EIF2D: variants seen among roughly 807,000 people sequenced by gnomAD.
The protein encoded by EIF2D is hepatocellular carcinoma-associated antigen 56.
Under a neutral mutation model 77.4 loss-of-function variants are expected in EIF2D, and 56 were observed. The ratio of observed to expected loss-of-function variants is 0.72; its 90% CI spans 0.58 to 0.90. The LOEUF (loss-of-function observed/expected upper bound fraction) is 0.90, where lower values mean the gene tolerates loss of function less well. Ranked by LOEUF, EIF2D falls within the 40% of genes least tolerant of loss-of-function variation. EIF2D has a pLI of 0.00. For synonymous variants in EIF2D, 230 were observed against 271.0 expected (o/e 0.85, Z 1.49); for missense variants, 574 against 706.5 (o/e 0.81, Z 2.13).
intron 4 of EIF2D, among the ~76,000 whole-genome samples, chr1:206,573,182 T>A (rs1429531122): frequency 6.6e-6 from 1 of 152,214 alleles, no homozygotes; most frequent in Non-Finnish European, 1.5e-5. Context: ...GAAATCAGTC[T>A]CCGTGTGGTG....
chr1:206,606,646 G>A (rs1326103707), intron 4 of EIF2D, among the ~76,000 whole-genome samples: 4 of 152,116 alleles, frequency 2.6e-5, no homozygotes, highest in African/African-American at 9.7e-5. Flanking sequence ...GTTCCAAAGC[G>A]TTCAAGGAAA....
At chr1:206,606,084 T>C (rs1433941935) in intron 4 of EIF2D, among the ~76,000 whole-genome samples, 2 of 152,166 alleles carry the variant, frequency 1.3e-5, no homozygotes, top group Non-Finnish European at 2.9e-5. Context: ...ACCACATATA[T>C]AGTAACTACA....
rs1398495487 is a variant in EIF2D at position 206,592,982 on chromosome 1, A to C, written c.1684+637T>G. On this transcript the variant is annotated intron_variant, in intron 14 of 14. Transcript: ENST00000271764. The surrounding 1 kb of genome is among the most constrained non-coding windows in gnomAD (Gnocchi z 4.7). ...CTGGCCGTGGTGGCATGCGCCTATAATCCCAGCTACTCGGGAGGCTGAGGC... is the reference window on the plus strand; with the variant it reads ...CTGGCCGTGGTGGCATGCGCCTATACTCCCAGCTACTCGGGAGGCTGAGGC... Among the ~76,000 whole-genome samples the C allele has an allele frequency of 6.6e-6, 1 of 152,140 alleles. No homozygotes were observed. Among genetic ancestry groups the C allele is most frequent in the Non-Finnish European group, 1.5e-5 (1 of 68,004 alleles).
chr1:206,583,712 A>G (rs1553406875), intron 2 of EIF2D: 2 of 306,014 alleles, frequency 6.5e-6, no homozygotes, highest in East Asian at 8.4e-5. Flanking sequence ...AGCCAGGACA[A>G]TGGGACTTAG....
rs111741631 is a variant in EIF2D at position 206,573,116 on chromosome 1, G to C, written c.*255-417C>G. Among the ~76,000 whole-genome samples, 1,078 of 152,320 alleles carry C rather than the reference G, an allele frequency of 7.1e-3. 15 individuals are homozygous for C. Among genetic ancestry groups the C allele is most frequent in the African/African-American group, 0.021 (866 of 41,558 alleles). On this transcript the variant is annotated intron_variant and NMD_transcript_variant, in intron 4 of 5. Transcript: ENST00000472709. ...CTGTGTACTTTGTGCTAAGCACTTT[G>C]AGGCCTGAGATCTCATTTCATCTTC...
At chr1:206,583,334 C>A in intron 2 of EIF2D, 2 of 1,613,814 alleles carry the variant, frequency 1.2e-6, no homozygotes, top group Non-Finnish European at 1.7e-6. Context: ...AGCAGAAGAT[C>A]GACAGCTACA....
At chr1:206,575,319 G>A (rs547666296) in intron 4 of EIF2D, among the ~76,000 whole-genome samples, 12 of 152,192 alleles carry the variant, frequency 7.9e-5, no homozygotes, top group African/African-American at 2.7e-4. Flanking sequence ...CCTTCCAAGG[G>A]GTGAAAGAAT....
chr1:206,572,882 A>C (rs1175984432), intron 4 of EIF2D, among the ~76,000 whole-genome samples: 2 of 152,210 alleles, frequency 1.3e-5, no homozygotes, highest in Admixed American at 6.5e-5. Context: ...TGAAAGTCAT[A>C]ATGTGGCCTT....
Position 206,591,763 on chromosome 1 carries a change from C to CA in EIF2D, c.*11dup. 2 of 1,613,992 alleles carry CA rather than the reference C, an allele frequency of 1.2e-6. No individual in the cohort carries two copies. The highest frequency in any genetic ancestry group is 4.5e-5 in the East Asian group (2 of 44,892). On this transcript the variant is annotated 3_prime_UTR_variant, in exon 15 of 15. Transcript: ENST00000271764. Reference sequence around the variant, plus strand: ...TTTCCACCGGATCCACCACGTGAGACAAAAGAGTCTGTCACTTCTTCTTGC... The same window carrying CA: ...TTTCCACCGGATCCACCACGTGAGACAAAAAGAGTCTGTCACTTCTTCTTGC...
chr1:206,575,735 A>T (rs1321948780), intron 4 of EIF2D, among the ~76,000 whole-genome samples: 1 of 152,224 alleles, frequency 6.6e-6, no homozygotes, highest in Non-Finnish European at 1.5e-5. Context: ...GTATCACTTC[A>T]TGATTTCACA....
rs1553410772 is a variant in EIF2D, at chr1:206,599,208, G to A, written c.1203-116C>T. On this transcript the variant is annotated intron_variant, in intron 10 of 14. Coordinates refer to ENST00000271764, the MANE Select transcript of EIF2D (RefSeq NM_006893.3). The surrounding 1 kb of genome is among the most constrained non-coding windows in gnomAD (Gnocchi z 4.1). ...AACTTTCCTTAGCTTTCGGCCTCTA[G>A]TTTCTTCCCTTTTCCTGACTGAAGT... is the stretch of plus-strand genomic sequence containing the variant. 2 of 1,032,808 alleles carry A rather than the reference G, an allele frequency of 1.9e-6. No individual in the cohort carries two copies. The highest frequency in any genetic ancestry group is 1.6e-5 in the African/African-American group (1 of 62,260). 64.0% of individuals were successfully genotyped at this position (1,032,808 alleles called of 1,614,324 possible).
At chr1:206,602,890 G>A (rs1301786339) in intron 6 of EIF2D, 61 bp downstream of exon 6, 14 of 1,584,710 alleles carry the variant, frequency 8.8e-6, no homozygotes, top group South Asian at 1.2e-5. Context: ...GTGGAGTGGA[G>A]TTCGTCAGGC....
chr1:206,596,960 C>T (rs567624932), intron 12 of EIF2D, 140 bp downstream of exon 12: 1 of 627,026 alleles, frequency 1.6e-6, no homozygotes, highest in Admixed American at 2.9e-5. Context: ...TTCCTCAAGC[C>T]TGTGTTTATG....
intron 4 of EIF2D, among the ~76,000 whole-genome samples, chr1:206,580,253 A>G (rs782547064): frequency 6.6e-6 from 1 of 152,266 alleles, no homozygotes; most frequent in African/African-American, 2.4e-5. Flanking sequence ...CAAGCCTTTG[A>G]AAGCCACAGC....
chr1:206,610,153 C>G (rs1670402044), intron 2 of EIF2D, among the ~76,000 whole-genome samples: 1 of 152,212 alleles, frequency 6.6e-6, no homozygotes, highest in African/African-American at 2.4e-5. Context: ...TGTAGCTTAT[C>G]AATCCAGCTT....
At chr1:206,609,897 A>G (rs1372519448) in intron 2 of EIF2D, among the ~76,000 whole-genome samples, 1 of 152,212 alleles carries the variant, frequency 6.6e-6, no homozygotes, top group East Asian at 1.9e-4. Context: ...GTCTTCAGGT[A>G]CAGCAAGGAA....
chr1:206,580,461 GTCTT>G (rs1445121354), intron 4 of EIF2D, among the ~76,000 whole-genome samples: 1 of 152,172 alleles, frequency 6.6e-6, no homozygotes, highest in African/African-American at 2.4e-5. Flanking sequence ...AGACAACGGG[GTCTT>G]TCTAATTAGA....
chr1:206,579,087 A>G lies in EIF2D; in HGVS notation c.*254+1605T>C, dbSNP rs1232571301. On this transcript the variant is annotated intron_variant and NMD_transcript_variant, in intron 4 of 5. Transcript: ENST00000472709. This position sits in a 1 kb window ranked among gnomAD's most constrained non-coding sequence, Gnocchi z 4.2. ...AGCCTCTTTACATGGCTGTTCCCCA[A>G]TCACCTCCAGAGCTAAAAGAAGACA... Among the ~76,000 whole-genome samples, 2 of 152,058 alleles carry G rather than the reference A, an allele frequency of 1.3e-5. No homozygotes were observed. Among genetic ancestry groups the G allele is most frequent in the Non-Finnish European group, 2.9e-5 (2 of 67,996 alleles).
chr1:206,575,362 G>C (rs1306643109), intron 4 of EIF2D, among the ~76,000 whole-genome samples: 3 of 152,202 alleles, frequency 2.0e-5, no homozygotes, highest in African/African-American at 7.2e-5. Context: ...AGCTGAGAAA[G>C]AGGAAATGTG....
Sources: gnomAD v4.1 joint callset for allele counts (sites outside exome capture counted in the v4.1 genomes callset) on GRCh38, gnomAD v4.1.1 for gene constraint, Gnocchi (gnomAD v3.1) non-coding constraint, MANE v1.5 for transcripts, NCBI Gene and HGNC (gene_info 2026-07-23, HGNC 2026-07-21) for gene names.